Variants in SOD2 observed in about 807,000 individuals in gnomAD.
SOD2 encodes superoxide dismutase [Mn], mitochondrial.
A neutral mutation model predicts 27.0 loss-of-function variants in SOD2; 11 were observed. That is an observed-to-expected ratio of 0.41 (90% CI 0.26 to 0.67). The LOEUF (loss-of-function observed/expected upper bound fraction) is 0.67, where lower values mean the gene tolerates loss of function less well. SOD2 is among the 30% of genes least tolerant of loss of function. The pLI is 0.34. For missense variants in SOD2, 250 were observed against 274.5 expected (o/e 0.91, Z 0.63); for synonymous variants, 105 against 103.0 (o/e 1.02, Z -0.12).
intron 1 of SOD2, among the ~76,000 whole-genome samples, chr6:159,703,366 A>G (rs1476380072): frequency 6.6e-6 from 1 of 151,502 alleles, no homozygotes; most frequent in Admixed American, 6.6e-5. Flanking sequence ...GGAGTGGACA[A>G]AGAAAGCAGC....
At chr6:159,720,687 A>G (rs150134101) in intron 1 of SOD2, 94 of 152,182 alleles carry the variant, frequency 6.2e-4, no homozygotes, top group African/African-American at 2.2e-3. Context: ...TTTTTTTAGA[A>G]TAATTATCTT....
At chr6:159,712,705 TC>T (rs1777849373) in intron 1 of SOD2, 12 of 353,616 alleles carry the variant, frequency 3.4e-5, no homozygotes, top group South Asian at 3.1e-4. Flanking sequence ...TGCTCTGACC[TC>T]CATAACCACC....
chr6:159,734,461 TTAAAA>T (rs999653476), intron 1 of SOD2, among the ~76,000 whole-genome samples: 9 of 152,032 alleles, frequency 5.9e-5, no homozygotes, highest in Admixed American at 3.9e-4. Context: ...GTATGGGTAA[TTAAAA>T]TAAACCATAA....
intron 3 of SOD2, among the ~76,000 whole-genome samples, chr6:159,687,321 C>G (rs1780237958): frequency 6.6e-6 from 1 of 151,846 alleles, no homozygotes; most frequent in African/African-American, 2.4e-5. Context: ...CCTGTCTCTA[C>G]CAAAAATATA....
At chr6:159,727,373 C>CGGGCGGG (rs766462112), upstream of SOD2, 4 of 623,034 alleles carry the variant, frequency 6.4e-6, no homozygotes, top group South Asian at 6.6e-5. Flanking sequence ...AGCGGGGAGG[C>CGGGCGGG]TGGCGGGAGG....
At chr6:159,722,967 G>A (rs1036513844) in intron 1 of SOD2, among the ~76,000 whole-genome samples, 8 of 152,196 alleles carry the variant, frequency 5.3e-5, no homozygotes, top group Admixed American at 5.2e-4. Flanking sequence ...TCCAGAGAAA[G>A]CCAAATATGC....
chr6:159,727,369 G>A (rs1424102491), upstream of SOD2: 15 of 1,216,794 alleles, frequency 1.2e-5, no homozygotes, highest in South Asian at 5.3e-5. Context: ...GCGGAGCGGG[G>A]AGGCTGGCGG....
chr6:159,724,757 TG>T (rs1270161150), intron 1 of SOD2, among the ~76,000 whole-genome samples: 1 of 149,660 alleles, frequency 6.7e-6, no homozygotes, highest in Non-Finnish European at 1.5e-5. Flanking sequence ...GAGGCTGAGA[TG>T]GGAGGATTGC....
intron 3 of SOD2, among the ~76,000 whole-genome samples, chr6:159,686,952 G>A (rs140180241): frequency 2.0e-4 from 31 of 152,232 alleles, no homozygotes; most frequent in East Asian, 1.4e-3. Context: ...CAGTGATAGC[G>A]AACAAGACCA....
intron 1 of SOD2, among the ~76,000 whole-genome samples, chr6:159,711,948 C>A (rs546403177): frequency 2.4e-5 from 3 of 123,564 alleles, no homozygotes; most frequent in Non-Finnish European, 5.3e-5. Flanking sequence ...ACTCACATTG[C>A]TCTGATCACC....
At chr6:159,731,415 C>G (rs1397329886), upstream of SOD2, among the ~76,000 whole-genome samples, 1 of 152,126 alleles carries the variant, frequency 6.6e-6, no homozygotes, top group African/African-American at 2.4e-5. Flanking sequence ...CTGCAGTGAG[C>G]TGTGATCGAG....
intron 1 of SOD2, among the ~76,000 whole-genome samples, chr6:159,735,605 C>G (rs978293633): frequency 2.0e-5 from 3 of 151,934 alleles, no homozygotes. Context: ...AAAAATGAGC[C>G]AGGTGTGGTG....
At chr6:159,745,427 C>T (rs1779518370), upstream of SOD2, among the ~76,000 whole-genome samples, 1 of 151,866 alleles carries the variant, frequency 6.6e-6, no homozygotes. Context: ...TGGAACCTAA[C>T]CTTTTCCAGC....
chr6:159,718,363 G>A (rs1777962806), intron 1 of SOD2, among the ~76,000 whole-genome samples: 1 of 152,122 alleles, frequency 6.6e-6, no homozygotes, highest in Non-Finnish European at 1.5e-5. Flanking sequence ...CTTTATCTTG[G>A]TTATTGTGAA....
At chr6:159,688,034 A>G in intron 3 of SOD2, 92 bp downstream of exon 3, 2 of 795,276 alleles carry the variant, frequency 2.5e-6, no homozygotes, top group Non-Finnish European at 4.3e-6. Context: ...AACAAAAAAA[A>G]CAAAAAACAA....
chr6:159,744,220 C>T (rs1376893692), intron 1 of SOD2, among the ~76,000 whole-genome samples: 1 of 151,564 alleles, frequency 6.6e-6, no homozygotes, highest in East Asian at 1.9e-4. Flanking sequence ...TCTTTAGTGT[C>T]TCCTTTTTAA....
At chr6:159,761,498 G>A (rs1193541568) in exon 1 of SOD2, 1 of 455,902 alleles carries the variant, frequency 2.2e-6, no homozygotes, top group Non-Finnish European at 4.4e-6. Flanking sequence ...CCTCACGCGA[G>A]CGAATGACTG....
intron 1 of SOD2, chr6:159,755,269 C>T (rs1055837778): frequency 1.2e-6 from 2 of 1,614,202 alleles, no homozygotes; most frequent in Non-Finnish European, 1.7e-6. Context: ...GTAGCTCCTC[C>T]CGCCAGAGGA....
exon 1 of SOD2, chr6:159,762,191 G>A (rs1437908321): frequency 1.9e-6 from 3 of 1,583,354 alleles, no homozygotes; most frequent in East Asian, 2.3e-5. Context: ...CTGCTGCTTC[G>A]GCAGGAGCGC....
Sources: allele counts gnomAD v4.1 joint callset (sites outside exome capture counted in the v4.1 genomes callset), GRCh38; gene constraint gnomAD v4.1.1; transcripts MANE v1.5; gene names NCBI Gene and HGNC (gene_info 2026-07-23, HGNC 2026-07-21).